PEBP4: variants seen among roughly 807,000 people sequenced by gnomAD.
PEBP4 encodes phosphatidylethanolamine-binding protein 4.
PEBP4 carries 22 observed loss-of-function variants against 23.9 expected under a neutral mutation model. That is an observed-to-expected ratio of 0.92 (90% CI 0.66 to 1.31). PEBP4 has a LOEUF of 1.31. PEBP4 is among the 40% of genes most tolerant of loss of function. PEBP4 has a pLI of 0.00. For synonymous variants in PEBP4, 112 were observed against 99.3 expected (o/e 1.13, Z -0.76); for missense variants, 324 against 281.7 (o/e 1.15, Z -1.07).
chr8:22,737,846 A>G (rs1346031911), intron 4 of PEBP4, among the ~76,000 whole-genome samples: 3 of 152,152 alleles, frequency 2.0e-5, no homozygotes, highest in Non-Finnish European at 4.4e-5. Context: ...CAATTAGGAA[A>G]TGGAATATTC....
chr8:22,747,912 C>T (rs1004255432), intron 4 of PEBP4, among the ~76,000 whole-genome samples: 11 of 152,116 alleles, frequency 7.2e-5, no homozygotes, highest in Non-Finnish European at 5.9e-5. Flanking sequence ...AGCCCAGGGC[C>T]GCGTGCAGGC....
intron 4 of PEBP4, among the ~76,000 whole-genome samples, chr8:22,765,117 C>CTTCCTTCCT (rs1805582886): frequency 5.1e-5 from 1 of 19,768 alleles, no homozygotes; most frequent in Non-Finnish European, 1.0e-4. Flanking sequence ...TCCTTTATTT[C>CTTCCTTCCT]TTCCTTCCTT....
At chr8:22,755,328 T>C (rs1311459013) in intron 4 of PEBP4, among the ~76,000 whole-genome samples, 2 of 58,144 alleles carry the variant, frequency 3.4e-5, no homozygotes, top group Admixed American at 1.6e-4. Flanking sequence ...CTCTCCCTCT[T>C]TTTTTTTTTT....
chr8:22,767,965 C>A (rs887044483), intron 4 of PEBP4, among the ~76,000 whole-genome samples: 1 of 152,134 alleles, frequency 6.6e-6, no homozygotes, highest in Non-Finnish European at 1.5e-5. Flanking sequence ...GAACTCTTGA[C>A]CTCAGGTGAT....
At chr8:22,745,594 C>G (rs779793983) in intron 4 of PEBP4, 5 of 152,392 alleles carry the variant, frequency 3.3e-5, no homozygotes, top group Non-Finnish European at 5.9e-5. Flanking sequence ...CTCTGTGAAG[C>G]CTTCCTTCTC....
In PEBP4 at chr8:22,713,371, T is replaced by C. The variant is rs1804345530; in HGVS notation, c.683A>G (p.Ter228TrpextTer?). 1.9e-6 allele frequency: 3 copies of C among 1,583,882 alleles called. No individual in the cohort carries two copies. The highest frequency in any genetic ancestry group is 1.1e-5 in the South Asian group (1 of 87,164). ...HKNQAEIAAC[*>W] The stretch of plus-strand genomic sequence containing the variant: ...TGCCCGGATGGCAAAGCCGGCTATC[T>C]AGCAGGCAGCTATCTCCGCCTGGTT... Residue 228 changes from the stop codon to tryptophan (W), a stop_lost, in exon 7 of 7, where the codon TAG becomes TGG. Coordinates refer to ENST00000256404, the MANE Select transcript of PEBP4 (RefSeq NM_144962.3).
chr8:22,890,868 C>A lies in PEBP4; in HGVS notation c.258+29316G>T, dbSNP rs112805050. On this transcript the variant is annotated intron_variant, in intron 3 of 6. Transcript: ENST00000256404. ...TTTGAGATGGAGTCTCACCCTGTCA[C>A]CCAGGCTGGAATGCAATGGAGCAAT... is the stretch of plus-strand genomic sequence containing the variant. Among the ~76,000 whole-genome samples, 853 of 152,324 alleles carry A rather than the reference C, an allele frequency of 5.6e-3. 6 individuals are homozygous for A. The highest frequency in any genetic ancestry group is 0.019 in the African/African-American group (797 of 41,570).
chr8:22,825,768 C>G (rs1169653921), intron 3 of PEBP4, among the ~76,000 whole-genome samples: 2 of 152,058 alleles, frequency 1.3e-5, no homozygotes, highest in African/African-American at 4.8e-5. Flanking sequence ...TTCACAATAG[C>G]CAGGATGAGG....
chr8:22,830,277 G>A (rs915790324), intron 3 of PEBP4, among the ~76,000 whole-genome samples: 4 of 151,172 alleles, frequency 2.6e-5, no homozygotes, highest in South Asian at 2.1e-4. Context: ...TTACAGGTGC[G>A]CACCACCACG....
rs1452338393 is a variant in PEBP4, at chr8:22,753,899, G to A, written c.358-26679C>T. Among the ~76,000 whole-genome samples, 5 of 152,360 alleles carry A rather than the reference G, an allele frequency of 3.3e-5. No homozygotes were observed. The East Asian group carries it at 9.6e-4, about 29-fold the overall frequency. On this transcript the variant is annotated intron_variant, in intron 4 of 6. Transcript: ENST00000256404. ...GGGAACAGAGCACATCTGTCTGGGT[G>A]TGAGTGGGGCCCCTCCCCACAACCT... is the stretch of plus-strand genomic sequence containing the variant.
At chr8:22,845,289 T>A (rs548899353) in intron 3 of PEBP4, among the ~76,000 whole-genome samples, 1 of 151,052 alleles carries the variant, frequency 6.6e-6, no homozygotes, top group East Asian at 2.0e-4. Flanking sequence ...ACCCCAACAC[T>A]CTGGGAGGCC....
chr8:22,927,839 G>A lies in PEBP4; in HGVS notation c.-23C>T, dbSNP rs1270450542. ...GATAGAGACCTCTGGTTAAGCACAG[G>A]GAGAAGGACAGGCAGCTTCCAGGGC... On this transcript the variant is annotated 5_prime_UTR_variant, in exon 1 of 7. Transcript: ENST00000256404. 6.2e-6 allele frequency: 8 copies of A among 1,286,796 alleles called. No individual in the cohort carries two copies. The highest frequency in any genetic ancestry group is 2.5e-5 in the Admixed American group (1 of 39,984). 79.7% of individuals were successfully genotyped at this position (1,286,796 alleles called of 1,614,324 possible). A position where few individuals can be genotyped will look rare whatever the true frequency, so the allele number is the denominator to read the frequency against.
chr8:22,929,015 A>G (rs1809410768), upstream of PEBP4, among the ~76,000 whole-genome samples: 1 of 151,696 alleles, frequency 6.6e-6, no homozygotes, highest in Non-Finnish European at 1.5e-5. Flanking sequence ...TACAACCAGG[A>G]CTCCCCCTTG....
At chr8:22,759,616 A>AGCCT (rs1805464073) in intron 4 of PEBP4, among the ~76,000 whole-genome samples, 1 of 152,060 alleles carries the variant, frequency 6.6e-6, no homozygotes, top group Non-Finnish European at 1.5e-5. Flanking sequence ...CCTCCCCGGG[A>AGCCT]GCCTGGCTCT....
intron 3 of PEBP4, among the ~76,000 whole-genome samples, chr8:22,840,835 C>A (rs1462440765): frequency 1.3e-5 from 2 of 152,124 alleles, no homozygotes; most frequent in Non-Finnish European, 2.9e-5. Flanking sequence ...CAGTGCCTGA[C>A]ACACATGAGA....
chr8:22,723,323 C>A (rs917379943), intron 6 of PEBP4, among the ~76,000 whole-genome samples: 2 of 152,124 alleles, frequency 1.3e-5, no homozygotes, highest in Non-Finnish European at 2.9e-5. Context: ...CTCAGGAGCC[C>A]CAGCACGCAG....
chr8:22,826,800 G>C (rs1430138956), intron 3 of PEBP4, among the ~76,000 whole-genome samples: 3 of 152,202 alleles, frequency 2.0e-5, no homozygotes, highest in African/African-American at 7.2e-5. Flanking sequence ...ATGGGTAGAT[G>C]AGATAGAGAC....
At position 22,737,514 on chromosome 8, in the gene PEBP4, G is replaced by A. The variant is rs573358821; in HGVS notation, c.358-10294C>T. Among the ~76,000 whole-genome samples, 15 of 152,024 alleles carry A rather than the reference G, an allele frequency of 9.9e-5. No homozygotes were observed. The East Asian group carries it at 2.5e-3, about 25-fold the overall frequency. The stretch of plus-strand genomic sequence containing the variant: ...ATCCCCGCCCTCCAGGAAATTCCCC[G>A]CTAAGGTGCAGGATCCCCCCACTCC... On this transcript the variant is annotated intron_variant, in intron 4 of 6. Coordinates refer to ENST00000256404, the MANE Select transcript of PEBP4 (RefSeq NM_144962.3).
Position 22,865,231 on chromosome 8 carries a change from G to C in PEBP4, c.259-47496C>G, listed in dbSNP as rs938880304. On this transcript the variant is annotated intron_variant, in intron 3 of 6. Coordinates refer to ENST00000256404, the MANE Select transcript of PEBP4 (RefSeq NM_144962.3). This position sits in a 1 kb window ranked among gnomAD's most constrained non-coding sequence, Gnocchi z 6.9. The stretch of plus-strand genomic sequence containing the variant: ...TGAAACAGCCTGGGGGGCGGCGGGA[G>C]GGGGAGGGAAGGTGTTTTTGCGAAA... Among the ~76,000 whole-genome samples the C allele has an allele frequency of 6.6e-6, 1 of 152,116 alleles. No individual in the cohort carries two copies. The highest frequency in any genetic ancestry group is 2.4e-5 in the African/African-American group (1 of 41,424).
Sources: gnomAD v4.1 joint callset for allele counts (sites outside exome capture counted in the v4.1 genomes callset) on GRCh38, gnomAD v4.1.1 for gene constraint, Gnocchi (gnomAD v3.1) non-coding constraint, MANE v1.5 for transcripts, NCBI Gene and HGNC (gene_info 2026-07-23, HGNC 2026-07-21) for gene names.